JMJD1C: variants seen among roughly 807,000 people sequenced by gnomAD.
The protein encoded by JMJD1C is jumonji domain-containing protein 1C.
A neutral mutation model predicts 245.3 loss-of-function variants in JMJD1C; 31 were observed. The ratio of observed to expected loss-of-function variants is 0.13; its 90% confidence interval spans 0.09 to 0.17. JMJD1C has a LOEUF of 0.17. Ranked by LOEUF, JMJD1C falls within the 10% of genes least tolerant of loss-of-function variation. JMJD1C has a pLI of 1.00. For synonymous variants in JMJD1C, 1,057 were observed against 1,017.4 expected (o/e 1.04, Z -0.74); for missense variants, 2,691 against 3,000.2 (o/e 0.90, Z 2.41).
chr10:63,427,926 A>AAGCAGC (rs927048827), intron 1 of JMJD1C: 13 of 713,020 alleles, frequency 1.8e-5, no homozygotes, highest in Middle Eastern at 2.7e-4. Context: ...AGCCACCTAG[A>AAGCAGC]AGCAGCAGCA....
At chr10:63,171,374 G>A (rs1842337919) in intron 24 of JMJD1C, among the ~76,000 whole-genome samples, 1 of 152,158 alleles carries the variant, frequency 6.6e-6, no homozygotes, top group Admixed American at 6.5e-5. Context: ...AGCATATAAA[G>A]AGGGCTGTGG....
chr10:63,252,141 T>C (rs894628484), intron 3 of JMJD1C, among the ~76,000 whole-genome samples: 10 of 152,244 alleles, frequency 6.6e-5, no homozygotes, highest in African/African-American at 2.4e-4. Context: ...TGAGAGAACT[T>C]GCCAAAGGCA....
intron 1 of JMJD1C, among the ~76,000 whole-genome samples, chr10:63,421,979 T>A (rs1238171924): frequency 6.6e-6 from 1 of 152,224 alleles, no homozygotes; most frequent in Non-Finnish European, 1.5e-5. Flanking sequence ...ATAGCAACCC[T>A]AGCAAACTAA....
intron 2 of JMJD1C, among the ~76,000 whole-genome samples, chr10:63,270,063 A>G (rs756741582): frequency 3.9e-5 from 6 of 152,220 alleles, no homozygotes; most frequent in Non-Finnish European, 7.3e-5. Context: ...AAAATACTGT[A>G]AAATTAATAC....
intron 1 of JMJD1C, among the ~76,000 whole-genome samples, chr10:63,455,844 A>G (rs1952374798): frequency 6.6e-6 from 1 of 152,176 alleles, no homozygotes; most frequent in Non-Finnish European, 1.5e-5. Context: ...TCAAAAAGGC[A>G]GTAGAACCTA....
At chr10:63,515,472 G>C (rs1246904709) in intron 1 of JMJD1C, among the ~76,000 whole-genome samples, 2 of 152,158 alleles carry the variant, frequency 1.3e-5, no homozygotes, top group African/African-American at 4.8e-5. Context: ...GCTCTCCCTG[G>C]AGCTTTTAGG....
At chr10:63,248,918 G>A (rs902247376) in intron 3 of JMJD1C, among the ~76,000 whole-genome samples, 1 of 152,214 alleles carries the variant, frequency 6.6e-6, no homozygotes, top group African/African-American at 2.4e-5. Context: ...AACTTGTTAT[G>A]TGCCACAACA....
rs951399351 is a variant in JMJD1C at position 63,268,862 on chromosome 10, T to C, written c.334-4098A>G. ...GCTCACTTGCAGCGGCGTCATTGTA[T>C]AGGAAGAAAAGCCAAGACCACAGAA... On this transcript the variant is annotated intron_variant, in intron 2 of 25. Transcript: ENST00000399262. 9.1e-6 allele frequency: 9 copies of C among 985,676 alleles called. No individual in the cohort carries two copies. The African/African-American group carries it at 1.2e-4, about 13-fold the overall frequency. The allele number at this position is 985,676 out of a possible 1,614,324, so 61.1% of individuals were successfully genotyped here.
intron 3 of JMJD1C, among the ~76,000 whole-genome samples, chr10:63,233,922 A>G (rs1850334514): frequency 6.6e-6 from 1 of 152,016 alleles, no homozygotes; most frequent in South Asian, 2.1e-4. Context: ...ATAATGAGAA[A>G]AAGAAACATT....
chr10:63,202,232 T>C, intron 10 of JMJD1C: 1 of 895,886 alleles, frequency 1.1e-6, no homozygotes, highest in Non-Finnish European at 1.3e-6. Context: ...CCAGCCTGGG[T>C]GACGGAGTAA....
chr10:63,407,745 G>C (rs1949252314), intron 1 of JMJD1C, among the ~76,000 whole-genome samples: 1 of 148,630 alleles, frequency 6.7e-6, no homozygotes, highest in Non-Finnish European at 1.5e-5. Flanking sequence ...AGAATATTCT[G>C]AATGAGGTAA....
intron 3 of JMJD1C, among the ~76,000 whole-genome samples, chr10:63,238,419 G>A (rs1025435558): frequency 6.6e-6 from 1 of 151,828 alleles, no homozygotes; most frequent in African/African-American, 2.4e-5. Flanking sequence ...GCTTATTATA[G>A]TTTATCTTTA....
chr10:63,297,701 C>T (rs902291469), intron 2 of JMJD1C, among the ~76,000 whole-genome samples: 11 of 152,152 alleles, frequency 7.2e-5, no homozygotes, highest in African/African-American at 2.7e-4. Flanking sequence ...CACCAGGTAG[C>T]CACCCCATGG....
Position 63,203,842 on chromosome 10 carries a change from G to C in JMJD1C, c.5074+2753C>G, listed in dbSNP as rs866828724. 233 of 980,694 alleles carry C rather than the reference G, an allele frequency of 2.4e-4. 1 individual carries two copies. The Middle Eastern group carries it at 0.011, about 46-fold the overall frequency. 60.7% of individuals were successfully genotyped at this position (980,694 alleles called of 1,614,324 possible). ...GTATGTAATCATATTACATAGTTTA[G>C]GTGTAAGCCTAACTCATTCTTTTTG... is the stretch of plus-strand genomic sequence containing the variant. On this transcript the variant is annotated intron_variant, in intron 10 of 25. Coordinates refer to ENST00000399262, the MANE Select transcript of JMJD1C (RefSeq NM_032776.3).
At chr10:63,401,283 A>G (rs1299365834) in intron 1 of JMJD1C, among the ~76,000 whole-genome samples, 1 of 152,180 alleles carries the variant, frequency 6.6e-6, no homozygotes, top group African/African-American at 2.4e-5. Flanking sequence ...GGCATATTCT[A>G]ATTTGCTTTA....
At position 63,494,086 on chromosome 10, in the gene JMJD1C, G is replaced by A. The variant is rs189195027; in HGVS notation, n.113+27652C>T. Among the ~76,000 whole-genome samples the A allele has an allele frequency of 7.3e-3, 1,116 of 152,158 alleles. 4 individuals carry two copies. Among genetic ancestry groups the A allele is most frequent in the Non-Finnish European group, 0.01 (680 of 67,988 alleles). On this transcript the variant is annotated intron_variant and non_coding_transcript_variant, in intron 1 of 3. Coordinates refer to the JMJD1C transcript ENST00000633035. ...AGCACTTTGGAAGGCCGAGGCGGGCGGATCACCTGAGGTCAGGAGATCGAG... is the reference window on the plus strand; with the variant it reads ...AGCACTTTGGAAGGCCGAGGCGGGCAGATCACCTGAGGTCAGGAGATCGAG...
intron 2 of JMJD1C, among the ~76,000 whole-genome samples, chr10:63,311,268 A>G (rs184609320): frequency 2.6e-4 from 39 of 151,910 alleles, no homozygotes; most frequent in African/African-American, 9.4e-4. Context: ...AATCCCAGCT[A>G]CTCGGGAGAC....
chr10:63,248,377 T>G (rs9415675), intron 3 of JMJD1C, among the ~76,000 whole-genome samples: 2,243 of 151,888 alleles, frequency 0.015, 51 homozygotes, highest in African/African-American at 0.052. Context: ...AAAAATTAGC[T>G]GGGCGTGGTG....
intron 3 of JMJD1C, among the ~76,000 whole-genome samples, chr10:63,225,042 C>A (rs536270501): frequency 6.6e-6 from 1 of 151,476 alleles, no homozygotes; most frequent in Admixed American, 6.6e-5. Flanking sequence ...AGCCTAGAGA[C>A]AGAGCGAGAC....
Sources: gnomAD v4.1 joint callset for allele counts (sites outside exome capture counted in the v4.1 genomes callset) on GRCh38, gnomAD v4.1.1 for gene constraint, MANE v1.5 for transcripts, NCBI Gene and HGNC (gene_info 2026-07-23, HGNC 2026-07-21) for gene names.